The following RFX7 variants were observed in gnomAD, a reference collection of about 807,000 sequenced individuals.
The protein encoded by RFX7 is DNA-binding protein RFX7.
Under a neutral mutation model 111.8 loss-of-function variants are expected in RFX7, and 26 were observed. The observed-to-expected ratio is 0.23, with a 90% CI of 0.17 to 0.32. RFX7 has a LOEUF of 0.32. Ranked by LOEUF, RFX7 falls within the 10% of genes least tolerant of loss-of-function variation. The pLI is 1.00. For missense variants in RFX7, 1,573 were observed against 1,772.9 expected (o/e 0.89, Z 2.02); for synonymous variants, 624 against 624.4 (o/e 1.00, Z 0.01).
chr15:56,243,037 T>TCC, intron 2 of RFX7, 88 bp downstream of exon 2: 1 of 674,254 alleles, frequency 1.5e-6, no homozygotes, highest in Non-Finnish European at 2.4e-6. Flanking sequence ...AGCCTCCTCC[T>TCC]CCGCTCCCCC....
At chr15:56,117,285 G>A (rs1424147619) in intron 5 of RFX7, among the ~76,000 whole-genome samples, 3 of 152,114 alleles carry the variant, frequency 2.0e-5, no homozygotes, top group Non-Finnish European at 4.4e-5. Context: ...TAGAGAACAA[G>A]TAGATTTACT....
chr15:56,241,163 G>A lies in RFX7; in HGVS notation c.161+1962C>T, dbSNP rs531893047. On this transcript the variant is annotated intron_variant, in intron 2 of 9. Coordinates refer to ENST00000559447, the MANE Select transcript of RFX7 (RefSeq NM_022841.7). The stretch of plus-strand genomic sequence containing the variant: ...TAAATTTTCATATTTTGGGATTCAC[G>A]TGTTTGCTGCCCATTATTTTTTCAG... Among the ~76,000 whole-genome samples the A allele has an allele frequency of 1.5e-4, 23 of 152,096 alleles. No individual in the cohort carries two copies. In the South Asian group the frequency reaches 3.3e-3, roughly 22 times the overall value.
At chr15:56,138,495 G>C (rs1459149299) in intron 5 of RFX7, among the ~76,000 whole-genome samples, 1 of 147,934 alleles carries the variant, frequency 6.8e-6, no homozygotes, top group Admixed American at 6.7e-5. Context: ...CTTTTATTTT[G>C]AGCCTATGTG....
chr15:56,240,865 C>T (rs1303851365), intron 2 of RFX7, among the ~76,000 whole-genome samples: 1 of 152,056 alleles, frequency 6.6e-6, no homozygotes, highest in Non-Finnish European at 1.5e-5. Context: ...TGATTTAATA[C>T]ATATATACTA....
chr15:56,101,362 C>G lies in RFX7; in HGVS notation c.808G>C (p.Ala270Pro). ...CTTGTTCACAGTAATGTTGTACCTG[C>G]TGGTGCTGCTGCCATTACAGTTAGA... is the stretch of plus-strand genomic sequence containing the variant. The part of the protein sequence containing the change: ...AALTVMAAAP[A>P]GMKGITQPSA... The change falls in exon 8 of 10, where the codon GCA (alanine) becomes CCA (proline). Residue 270 changes from alanine to proline, a missense_variant. Coordinates refer to ENST00000559447, the MANE Select transcript of RFX7 (RefSeq NM_022841.7). 2 of 1,584,382 alleles carry G rather than the reference C, an allele frequency of 1.3e-6. No homozygotes were observed. The highest frequency in any genetic ancestry group is 1.7e-6 in the Non-Finnish European group (2 of 1,164,738).
rs33984059 is a variant in RFX7 at position 56,093,670 on chromosome 15, A to G, written c.4058T>C (p.Leu1353Pro). The change falls in exon 10 of 10, where the codon CTG becomes CCG. Residue 1353 changes from leucine to proline, a missense_variant. This residue lies in a region of RFX7 where 411 missense variants were observed against 478.1 expected (regional missense o/e 0.86). Transcript: ENST00000559447. ...QLDFNSTVKDLLSGDSLQTNQ... is the reference protein window; with the variant it reads ...QLDFNSTVKDPLSGDSLQTNQ... ...GGTTTGCAAGCTGTCTCCACTCAACAGGTCTTTAACAGTGCTATTGAAATC... is the reference window on the plus strand; with the variant it reads ...GGTTTGCAAGCTGTCTCCACTCAACGGGTCTTTAACAGTGCTATTGAAATC... 33,859 of 1,613,866 alleles carry G rather than the reference A, an allele frequency of 0.021. 440 individuals are homozygous for G. Among genetic ancestry groups the G allele is most frequent in the Non-Finnish European group, 0.025 (29,830 of 1,179,830 alleles).
intron 2 of RFX7, among the ~76,000 whole-genome samples, chr15:56,219,314 T>C (rs1025761449): frequency 3.3e-5 from 5 of 152,220 alleles, no homozygotes; most frequent in Non-Finnish European, 7.3e-5. Context: ...AGCTTTCTAA[T>C]GGTTAGTGTT....
At position 56,217,625 on chromosome 15, in the gene RFX7, A is replaced by T. The variant is rs186493870; in HGVS notation, c.161+25500T>A. Among the ~76,000 whole-genome samples the T allele has an allele frequency of 3.6e-4, 55 of 152,326 alleles. 2 individuals are homozygous for T. The South Asian group carries it at 0.011, about 31-fold the overall frequency. On this transcript the variant is annotated intron_variant, in intron 2 of 9. Transcript: ENST00000559447. ...ATAATACATGGGCATCTTTTCCACTAAATGTTTTAACTTATGAGTCAGTAT... is the reference window on the plus strand; with the variant it reads ...ATAATACATGGGCATCTTTTCCACTTAATGTTTTAACTTATGAGTCAGTAT...
Position 56,125,899 on chromosome 15 carries a change from G to T in RFX7, c.401+16879C>A, listed in dbSNP as rs116646313. Among the ~76,000 whole-genome samples the T allele has an allele frequency of 4.2e-3, 632 of 152,144 alleles. 11 individuals are homozygous for T. The highest frequency in any genetic ancestry group is 0.015 in the African/African-American group (611 of 41,492). The stretch of plus-strand genomic sequence containing the variant: ...CCCCTGTATAAGTCCTCCTTCCCCT[G>T]AAAAATAAATGGTTTGGGGCTTTAT... On this transcript the variant is annotated intron_variant, in intron 5 of 9. Transcript: ENST00000559447.
intron 2 of RFX7, among the ~76,000 whole-genome samples, chr15:56,236,818 A>G (rs2043628584): frequency 6.6e-6 from 1 of 152,198 alleles, no homozygotes; most frequent in Admixed American, 6.5e-5. Context: ...CCCTACTACA[A>G]TCTCTCAACC....
chr15:56,129,677 T>C (rs2042188339), intron 5 of RFX7, among the ~76,000 whole-genome samples: 1 of 152,202 alleles, frequency 6.6e-6, no homozygotes, highest in Non-Finnish European at 1.5e-5. Context: ...TAGGTGATGA[T>C]GGCAATGAAT....
Position 56,096,015 on chromosome 15 carries a change from C to G in RFX7, c.1713G>C (p.Gln571His). The change falls in exon 10 of 10, where the codon CAG becomes CAC. Residue 571 changes from glutamine to histidine, a missense_variant. Physicochemically the swap from Gln to His is conservative, Grantham distance 24. This residue lies in a region of RFX7 where 625 missense variants were observed against 632.2 expected (regional missense o/e 0.99). Coordinates refer to ENST00000559447, the MANE Select transcript of RFX7 (RefSeq NM_022841.7). The part of the protein sequence containing the change: ...APQTPSALLG[Q>H]KSNTDGALQK... Reference sequence around the variant, plus strand: ...GCAGTGCTCCGTCTGTATTACTTTTCTGCCCCAAAAGGGCACTAGGTGTCT... The same window carrying G: ...GCAGTGCTCCGTCTGTATTACTTTTGTGCCCCAAAAGGGCACTAGGTGTCT... 1 of 1,612,924 alleles carries G rather than the reference C, an allele frequency of 6.2e-7. No individual in the cohort carries two copies. Among genetic ancestry groups the G allele is most frequent in the Non-Finnish European group, 8.5e-7 (1 of 1,179,464 alleles).
rs538080726 is a variant in RFX7, at chr15:56,158,952, G to C, written c.196-14469C>G. ...CTACAGCTTATTCTTCCTATCTAAC[G>C]AAAACTGTGTACCCTTTGATCAACA... On this transcript the variant is annotated intron_variant, in intron 3 of 9. Coordinates refer to ENST00000559447, the MANE Select transcript of RFX7 (RefSeq NM_022841.7). Among the ~76,000 whole-genome samples, 3 of 152,158 alleles carry C rather than the reference G, an allele frequency of 2.0e-5. No individual in the cohort carries two copies. In the South Asian group the frequency reaches 6.2e-4, roughly 32 times the overall value.
intron 2 of RFX7, among the ~76,000 whole-genome samples, chr15:56,235,875 T>C (rs1383064536): frequency 6.6e-6 from 1 of 152,212 alleles, no homozygotes; most frequent in Admixed American, 6.5e-5. Flanking sequence ...ATAATTTATT[T>C]TTTTTATTTC....
At chr15:56,140,589 G>A (rs2042378648) in intron 5 of RFX7, among the ~76,000 whole-genome samples, 1 of 152,088 alleles carries the variant, frequency 6.6e-6, no homozygotes, top group Admixed American at 6.5e-5. Context: ...CGTCACTCAG[G>A]CCGGAGCTGT....
intron 8 of RFX7, among the ~76,000 whole-genome samples, 152 bp downstream of exon 8, chr15:56,101,207 G>C (rs1307420973): frequency 6.6e-6 from 1 of 152,098 alleles, no homozygotes; most frequent in African/African-American, 2.4e-5. Context: ...TGGCTCAACA[G>C]ACCCATCTGA....
At chr15:56,121,868 A>G (rs1456170580) in intron 5 of RFX7, among the ~76,000 whole-genome samples, 1 of 152,122 alleles carries the variant, frequency 6.6e-6, no homozygotes, top group African/African-American at 2.4e-5. Context: ...TTGCTTTTTA[A>G]AAATTATTCA....
intron 3 of RFX7, among the ~76,000 whole-genome samples, chr15:56,156,937 T>C (rs1453960845): frequency 1.3e-5 from 2 of 152,188 alleles, no homozygotes; most frequent in African/African-American, 4.8e-5. Flanking sequence ...GAGTTTCTGA[T>C]TCAGTAGGTC....
At chr15:56,158,329 T>C (rs957493917) in intron 3 of RFX7, among the ~76,000 whole-genome samples, 40 of 152,288 alleles carry the variant, frequency 2.6e-4, no homozygotes, top group African/African-American at 9.4e-4. Context: ...GCTCATAATT[T>C]TTGTGATATA....
Sources: allele counts gnomAD v4.1 joint callset (sites outside exome capture counted in the v4.1 genomes callset), GRCh38; gene constraint gnomAD v4.1.1; regional missense constraint gnomAD v4.1.1; transcripts MANE v1.5; gene names NCBI Gene and HGNC (gene_info 2026-07-23, HGNC 2026-07-21).